The following PDS5A variants were observed in gnomAD, a reference collection of about 807,000 sequenced individuals.
The protein encoded by PDS5A is sister chromatid cohesion protein PDS5 homolog A.
PDS5A carries 42 observed loss-of-function variants against 167.1 expected under a neutral mutation model. The ratio of observed to expected loss-of-function variants is 0.25; its 90% confidence interval spans 0.20 to 0.33. PDS5A has a LOEUF of 0.33. PDS5A is among the 10% of genes least tolerant of loss of function. The probability of loss-of-function intolerance (pLI) is 1.00; values close to 1 mark genes in which losing one functional copy is unlikely to be tolerated. For synonymous variants in PDS5A, 553 were observed against 554.6 expected, an observed-to-expected ratio of 1.00 and a Z score of 0.04; for missense variants, 1,033 against 1,605.9, an observed-to-expected ratio of 0.64 and a Z score of 6.10.
rs1352903159 is a variant in PDS5A, at chr4:39,844,813, A to C, written c.3403-12T>G. 5 of 1,589,580 alleles carry C rather than the reference A, an allele frequency of 3.1e-6. No individual in the cohort carries two copies. Among genetic ancestry groups the C allele is most frequent in the Non-Finnish European group, 4.3e-6 (5 of 1,173,628 alleles). On this transcript the variant is annotated splice_polypyrimidine_tract_variant and intron_variant, in intron 29 of 32. Transcript: ENST00000303538. The stretch of plus-strand genomic sequence containing the variant: ...CCAGCAGGCTTTGGCTAAAAACAAA[A>C]ACAAAAAACCCCCCAAAAACACACA...
At chr4:39,965,016 G>A (rs1307315467) in intron 2 of PDS5A, among the ~76,000 whole-genome samples, 1 of 152,158 alleles carries the variant, frequency 6.6e-6, no homozygotes, top group African/African-American at 2.4e-5. Flanking sequence ...TGTCACAAGA[G>A]CTCCTGTGGT....
intron 2 of PDS5A, among the ~76,000 whole-genome samples, chr4:39,963,832 T>TA (rs1314805951): frequency 6.6e-6 from 1 of 151,510 alleles, no homozygotes; most frequent in African/African-American, 2.4e-5. Flanking sequence ...TGGGACTCAG[T>TA]CTCAAAAAGC....
At chr4:39,851,455 T>C (rs188709823) in intron 26 of PDS5A, among the ~76,000 whole-genome samples, 65 of 152,248 alleles carry the variant, frequency 4.3e-4, no homozygotes, top group Admixed American at 3.6e-3. Flanking sequence ...TGTGCCACCA[T>C]GTCTGGCTGA....
intron 19 of PDS5A, 46 bp downstream of exon 19, chr4:39,876,947 T>C (rs1426239724): frequency 7.1e-7 from 1 of 1,402,906 alleles, no homozygotes; most frequent in East Asian, 2.3e-5. Context: ...ATGGTTCCCA[T>C]ACTTAGAAAC....
chr4:39,897,749 C>A (rs1388626071), intron 16 of PDS5A, among the ~76,000 whole-genome samples: 1 of 151,818 alleles, frequency 6.6e-6, no homozygotes, highest in African/African-American at 2.4e-5. Flanking sequence ...GCCAATAGTT[C>A]TAGCTATTCA....
intron 32 of PDS5A, among the ~76,000 whole-genome samples, chr4:39,833,207 A>G (rs1006031773): frequency 1.3e-4 from 20 of 148,262 alleles, no homozygotes; most frequent in African/African-American, 4.9e-4. Flanking sequence ...AAAAAAAAAA[A>G]AAAAAAAAAG....
chr4:39,913,212 G>A (rs1724048376), intron 9 of PDS5A, among the ~76,000 whole-genome samples: 1 of 151,644 alleles, frequency 6.6e-6, no homozygotes, highest in African/African-American at 2.4e-5. Flanking sequence ...AGCCTCTTGC[G>A]TAGTTGCGGT....
chr4:39,916,137 T>C (rs1313584553), intron 8 of PDS5A, among the ~76,000 whole-genome samples: 1 of 151,204 alleles, frequency 6.6e-6, no homozygotes, highest in East Asian at 2.0e-4. Context: ...CTCAAGAGAC[T>C]GAGACAAGAA....
At chr4:39,949,821 G>GGAAAAAA (rs747625236) in intron 2 of PDS5A, among the ~76,000 whole-genome samples, 2 of 67,186 alleles carry the variant, frequency 3.0e-5, no homozygotes, top group African/African-American at 5.5e-5. Context: ...CTCTGTCTCA[G>GGAAAAAA]AAAAAAAAAA....
At chr4:39,933,014 A>G (rs910442057) in intron 2 of PDS5A, 1 of 152,256 alleles carries the variant, frequency 6.6e-6, no homozygotes, top group Non-Finnish European at 1.5e-5. Flanking sequence ...TCAAAAATAC[A>G]AAAATTAGCC....
intron 2 of PDS5A, among the ~76,000 whole-genome samples, chr4:39,933,862 C>T (rs1381396025): frequency 2.6e-5 from 4 of 152,178 alleles, no homozygotes; most frequent in East Asian, 1.9e-4. Flanking sequence ...TCATAATTCT[C>T]GTATAGCCCA....
chr4:39,969,495 C>T (rs1296740018), intron 2 of PDS5A, among the ~76,000 whole-genome samples: 1 of 151,982 alleles, frequency 6.6e-6, no homozygotes, highest in Admixed American at 6.6e-5. Context: ...GGTAAAACCC[C>T]GTGTCTACTA....
At chr4:39,907,826 T>C (rs1012583724) in intron 11 of PDS5A, among the ~76,000 whole-genome samples, 3 of 152,118 alleles carry the variant, frequency 2.0e-5, no homozygotes, top group Non-Finnish European at 4.4e-5. Flanking sequence ...GACCTCGTGA[T>C]CCGCCCGCCT....
intron 30 of PDS5A, among the ~76,000 whole-genome samples, chr4:39,843,340 C>T (rs971006964): frequency 2.6e-4 from 40 of 152,070 alleles, no homozygotes; most frequent in Non-Finnish European, 3.7e-4. Flanking sequence ...CCCAGCCCTC[C>T]TATACTAATT....
At chr4:39,898,686 T>C (rs1014734299) in intron 15 of PDS5A, 91 bp downstream of exon 15, 25 of 956,892 alleles carry the variant, frequency 2.6e-5, no homozygotes, top group Non-Finnish European at 3.3e-5. Flanking sequence ...TATTTTCTTT[T>C]ACTTAACATT....
intron 2 of PDS5A, among the ~76,000 whole-genome samples, chr4:39,964,722 T>G (rs143214810): frequency 7.1e-4 from 108 of 151,364 alleles, no homozygotes; most frequent in African/African-American, 2.6e-3. Context: ...TATGCCCTGG[T>G]GTGGTGGCTC....
At chr4:39,901,266 C>CTTTTTTTTTTTTTTTTTTTT (rs772230554) in intron 13 of PDS5A, among the ~76,000 whole-genome samples, 1 of 121,282 alleles carries the variant, frequency 8.2e-6, no homozygotes, top group Non-Finnish European at 1.7e-5. Context: ...TCTTTTCTTT[C>CTTTTTTTTTTTTTTTTTTTT]TTTTTTTTTT....
chr4:39,838,363 G>A (rs1474387922), intron 31 of PDS5A, among the ~76,000 whole-genome samples, 155 bp from the exon 32 acceptor site: 1 of 152,232 alleles, frequency 6.6e-6, no homozygotes, highest in East Asian at 1.9e-4. Flanking sequence ...GCTCCTTGAG[G>A]AGAGTGACTG....
At chr4:39,925,758 T>C in intron 5 of PDS5A, 78 bp downstream of exon 5, 1 of 441,084 alleles carries the variant, frequency 2.3e-6, no homozygotes, top group Non-Finnish European at 4.0e-6. Context: ...AATATCTTAG[T>C]GTACATGTAG....
Sources: gnomAD v4.1 joint callset for allele counts (sites outside exome capture counted in the v4.1 genomes callset) on GRCh38, gnomAD v4.1.1 for gene constraint, MANE v1.5 for transcripts, NCBI Gene and HGNC (gene_info 2026-07-23, HGNC 2026-07-21) for gene names.